The following PAX6 variants were observed in gnomAD, a reference collection of about 807,000 sequenced individuals.
PAX6 encodes paired box protein Pax-6.
Under a neutral mutation model 60.7 loss-of-function variants are expected in PAX6, and 7 were observed. That is an observed-to-expected ratio of 0.12 (90% CI 0.07 to 0.22). The LOEUF is 0.22. Ranked by LOEUF, PAX6 falls within the 10% of genes least tolerant of loss-of-function variation. The pLI is 1.00. For synonymous variants in PAX6, 208 were observed against 201.2 expected (o/e 1.03, Z -0.29); for missense variants, 355 against 555.2 (o/e 0.64, Z 3.62).
chr11:31,789,779 C>G lies in PAX6; in HGVS notation c.*155G>C, dbSNP rs1320254772. The G allele has an allele frequency of 1.3e-6, 1 of 743,784 alleles. No individual in the cohort carries two copies. The highest frequency in any genetic ancestry group is 2.4e-6 in the Non-Finnish European group (1 of 414,996). 46.1% of individuals were successfully genotyped at this position (743,784 alleles called of 1,614,324 possible). A position where few individuals can be genotyped will look rare whatever the true frequency, so the allele number is the denominator to read the frequency against. ...AAAGGTCCTTGTTTCAAGTCCATTCCTTCCCCAGTGGTACAATACAGGACA... is the reference window on the plus strand; with the variant it reads ...AAAGGTCCTTGTTTCAAGTCCATTCGTTCCCCAGTGGTACAATACAGGACA... On this transcript the variant is annotated 3_prime_UTR_variant, in exon 14 of 14. Transcript: ENST00000640368.
chr11:31,813,352 A>T (rs1957216123), upstream of PAX6, among the ~76,000 whole-genome samples: 2 of 105,280 alleles, frequency 1.9e-5, no homozygotes, highest in Admixed American at 2.9e-4. Context: ...CTCAAGACTC[A>T]AGTCCGCTGT....
chr11:31,801,420 T>C (rs1953795488), intron 7 of PAX6, 141 bp downstream of exon 7: 2 of 1,544,610 alleles, frequency 1.3e-6, no homozygotes, highest in Admixed American at 3.9e-5. Context: ...TCCTCTCTGT[T>C]CCCCCAGGTA....
Position 31,802,684 on chromosome 11 carries a change from G to A in PAX6, c.141+20C>T. The A allele has an allele frequency of 6.2e-7, 1 of 1,606,064 alleles. No individual in the cohort carries two copies. The highest frequency in any genetic ancestry group is 1.1e-5 in the South Asian group (1 of 90,422). ...GGAGGGCCGCGGGGGCGGCGAGTGG[G>A]GCGGCGCCGGGAGGATCACCTGCAG... On this transcript the variant is annotated intron_variant, in intron 5 of 13. Coordinates refer to ENST00000640368, the MANE Select transcript of PAX6 (RefSeq NM_001368894.2).
At position 31,790,832 on chromosome 11, in the gene PAX6, T is replaced by C; in HGVS notation, c.1103A>G (p.Tyr368Cys). 6.2e-7 allele frequency: 1 copy of C among 1,613,732 alleles called. No individual in the cohort carries two copies. Among genetic ancestry groups the C allele is most frequent in the Non-Finnish European group, 8.5e-7 (1 of 1,179,942 alleles). ...AGGGCTGGTGGGCAGCATGCAGGAG[T>C]ATGAGGAGGTCTGGCTGGGGACTGG... is the stretch of plus-strand genomic sequence containing the variant. ...QPPVPSQTSS[Y>C]SCMLPTSPSV... Residue 368 changes from tyrosine (Y) to cysteine (C), a missense_variant, in exon 13 of 14, where the codon TAC becomes TGC. By Grantham distance (194) the Tyr-to-Cys change is radical (BLOSUM62 -2). Coordinates refer to ENST00000640368, the MANE Select transcript of PAX6 (RefSeq NM_001368894.2).
At chr11:31,793,935 T>C in intron 10 of PAX6, 97 bp downstream of exon 10, 1 of 1,261,010 alleles carries the variant, frequency 7.9e-7, no homozygotes, top group Non-Finnish European at 1.2e-6. Context: ...ATTATATTAG[T>C]CCTATAAATA....
chr11:31,789,433 G>T lies in PAX6; in HGVS notation c.*501C>A, dbSNP rs1294687458. On this transcript the variant is annotated 3_prime_UTR_variant, in exon 14 of 14. Transcript: ENST00000640368. ...TTCTGACATAAATCTAGTGCATGTT[G>T]TTCCAGGTTTAATTATATGCAAAGG... The T allele has an allele frequency of 2.4e-6, 1 of 414,610 alleles. No individual in the cohort carries two copies. Among genetic ancestry groups the T allele is most frequent in the African/African-American group, 2.1e-5 (1 of 48,512 alleles). 25.7% of individuals were successfully genotyped at this position (414,610 alleles called of 1,614,324 possible).
chr11:31,817,709 G>A (rs532335969), intron 1 of PAX6: 16 of 152,382 alleles, frequency 1.0e-4, no homozygotes, highest in African/African-American at 3.1e-4. Flanking sequence ...CAAGCCCCGG[G>A]GCCACTTGGG....
At chr11:31,793,166 C>T (rs1267028590) in intron 12 of PAX6, 3 of 631,444 alleles carry the variant, frequency 4.8e-6, no homozygotes, top group South Asian at 3.7e-5. Flanking sequence ...CCACCACCAC[C>T]CAACATTATC....
Position 31,789,825 on chromosome 11 carries a change from C to T in PAX6, c.*109G>A. 4 of 984,382 alleles carry T rather than the reference C, an allele frequency of 4.1e-6. No individual in the cohort carries two copies. Among genetic ancestry groups the T allele is most frequent in the Non-Finnish European group, 4.8e-6 (3 of 631,182 alleles). 61.0% of individuals were successfully genotyped at this position (984,382 alleles called of 1,614,324 possible). A position where few individuals can be genotyped will look rare whatever the true frequency, so the allele number is the denominator to read the frequency against. Reference sequence around the variant, plus strand: ...GGACACAATTGTAGAACTGAAGCGGCTCTAACAGCCATTTTTCTTTCTTTC... The same window carrying T: ...GGACACAATTGTAGAACTGAAGCGGTTCTAACAGCCATTTTTCTTTCTTTC... On this transcript the variant is annotated 3_prime_UTR_variant, in exon 14 of 14. Coordinates refer to ENST00000640368, the MANE Select transcript of PAX6 (RefSeq NM_001368894.2).
intron 2 of PAX6, chr11:31,808,881 G>C (rs1026590833): frequency 1.3e-5 from 2 of 152,328 alleles, no homozygotes; most frequent in African/African-American, 4.8e-5. Flanking sequence ...CCCAACTGCA[G>C]CCTCAGCCCC....
intron 5 of PAX6, chr11:31,802,499 T>C (rs1954333194): frequency 1.8e-6 from 1 of 561,076 alleles, no homozygotes; most frequent in Non-Finnish European, 3.1e-6. Context: ...CTTATGTAAC[T>C]GACCCAGGTT....
intron 9 of PAX6, 100 bp from the exon 10 acceptor site, chr11:31,794,214 C>A: frequency 1.2e-6 from 1 of 823,684 alleles, no homozygotes; most frequent in African/African-American, 1.7e-5. Flanking sequence ...ACTCCCATTA[C>A]CTCCAACCAA....
Position 31,801,634 on chromosome 11 carries a change from G to C in PAX6, c.326C>G (p.Pro109Arg), listed in dbSNP as rs758828833. The C allele has an allele frequency of 6.2e-7, 1 of 1,614,078 alleles. No individual in the cohort carries two copies. The highest frequency in any genetic ancestry group is 8.5e-7 in the Non-Finnish European group (1 of 1,180,024). Residue 109 changes from proline to arginine, a missense_variant, in exon 7 of 14, where the codon CCG becomes CGG. Transcript: ENST00000640368. ...TCGGATTTCCCAAGCAAAGATGGACGGGCACTCCCGCTTATACTGGGCTAT... is the reference window on the plus strand; with the variant it reads ...TCGGATTTCCCAAGCAAAGATGGACCGGCACTCCCGCTTATACTGGGCTAT... The part of the protein sequence containing the change: ...SKIAQYKREC[P>R]SIFAWEIRDR...
rs1273969330 is a variant in PAX6, at chr11:31,789,611, G to C, written c.*323C>G. On this transcript the variant is annotated 3_prime_UTR_variant, in exon 14 of 14. Coordinates refer to ENST00000640368, the MANE Select transcript of PAX6 (RefSeq NM_001368894.2). ...AAAAAACAACTTCATGACCAACACA[G>C]ATCAAACATCCATCCAGTCTACATT... is the stretch of plus-strand genomic sequence containing the variant. 3.1e-6 allele frequency: 2 copies of C among 651,100 alleles called. No individual in the cohort carries two copies. Among genetic ancestry groups the C allele is most frequent in the Non-Finnish European group, 2.7e-6 (1 of 365,064 alleles). 40.3% of individuals were successfully genotyped at this position (651,100 alleles called of 1,614,324 possible).
intron 13 of PAX6, 135 bp from the exon 14 acceptor site, chr11:31,790,154 A>G: frequency 1.5e-6 from 1 of 688,564 alleles, no homozygotes; most frequent in Non-Finnish European, 2.5e-6. Flanking sequence ...CTGTATTAAA[A>G]TCACTTCAAT....
Position 31,796,125 on chromosome 11 carries a change from T to C in PAX6, c.566-1337A>G, listed in dbSNP as rs1951417989. The stretch of plus-strand genomic sequence containing the variant: ...TTCTCCCCCATTTAAACAGGCGGAT[T>C]CATCGGCACTGGCCACCATATGGGC... On this transcript the variant is annotated intron_variant, in intron 8 of 13. Transcript: ENST00000640368. 2.0e-5 allele frequency among the ~76,000 whole-genome samples: 3 copies of C among 152,234 alleles called. 1 individual carries two copies. In the South Asian group the frequency reaches 6.2e-4, roughly 32 times the overall value.
At chr11:31,793,971 G>T in intron 10 of PAX6, 61 bp downstream of exon 10, 2 of 1,310,566 alleles carry the variant, frequency 1.5e-6, no homozygotes, top group Non-Finnish European at 2.2e-6. Flanking sequence ...AAGCACCTCT[G>T]TCTCTAGGAA....
chr11:31,810,191 T>A (rs529876435), intron 2 of PAX6: 2 of 152,564 alleles, frequency 1.3e-5, no homozygotes, highest in East Asian at 3.9e-4. Flanking sequence ...CCTTGCCGAC[T>A]GACTCCACTC....
upstream of PAX6, chr11:31,812,188 G>T (rs1022826840): frequency 6.6e-6 from 1 of 152,004 alleles, no homozygotes; most frequent in African/African-American, 2.4e-5. Flanking sequence ...AAGTGCGGCT[G>T]CTTTTCGCAG....
Sources: gnomAD v4.1 joint callset for allele counts (sites outside exome capture counted in the v4.1 genomes callset) on GRCh38, gnomAD v4.1.1 for gene constraint, MANE v1.5 for transcripts, NCBI Gene and HGNC (gene_info 2026-07-23, HGNC 2026-07-21) for gene names.